The following FXYD6 variants were observed in gnomAD, a reference collection of about 807,000 sequenced individuals.
FXYD6 encodes the protein FXYD domain containing ion transport regulator 6.
A neutral mutation model predicts 16.7 loss-of-function variants in FXYD6; 7 were observed. The ratio of observed to expected loss-of-function variants is 0.42; its 90% CI spans 0.24 to 0.79. The LOEUF (loss-of-function observed/expected upper bound fraction) is 0.79. FXYD6 is among the 30% of genes least tolerant of loss of function. The pLI is 0.28. For synonymous variants in FXYD6, 49 were observed against 43.0 expected, an observed-to-expected ratio of 1.14 and a Z score of -0.54; for missense variants, 111 against 116.2, an observed-to-expected ratio of 0.95 and a Z score of 0.21.
chr11:117,866,769 G>C (rs1440674223), intron 1 of FXYD6, among the ~76,000 whole-genome samples: 1 of 152,188 alleles, frequency 6.6e-6, no homozygotes, highest in African/African-American at 2.4e-5. Flanking sequence ...ACTGGATGGA[G>C]TCCCAGACCA....
Position 117,872,854 on chromosome 11 carries a change from C to A in FXYD6, c.-6+3738G>T, listed in dbSNP as rs756828243. 6.6e-6 allele frequency among the ~76,000 whole-genome samples: 1 copy of A among 152,178 alleles called. No homozygotes were observed. The highest frequency in any genetic ancestry group is 1.5e-5 in the Non-Finnish European group (1 of 68,034). On this transcript the variant is annotated intron_variant, in intron 1 of 7. Transcript: ENST00000526014. This position sits in a 1 kb window ranked among gnomAD's most constrained non-coding sequence, Gnocchi z 4.9. The stretch of plus-strand genomic sequence containing the variant: ...ATTGGTTCCATGCTTTTGTTTCGGC[C>A]GGAGATGTCCTGCCTCTCATCAGGG...
chr11:117,851,038 T>C (rs2056600053), intron 1 of FXYD6, among the ~76,000 whole-genome samples: 1 of 152,228 alleles, frequency 6.6e-6, no homozygotes, highest in South Asian at 2.1e-4. Context: ...TTCAGTTCTT[T>C]TTAAAATTCT....
chr11:117,845,576 T>G (rs370631833), intron 1 of FXYD6, among the ~76,000 whole-genome samples: 1 of 152,232 alleles, frequency 6.6e-6, no homozygotes, highest in Non-Finnish European at 1.5e-5. Flanking sequence ...TGGTGTAATA[T>G]TCCATTGTGC....
chr11:117,861,132 G>A (rs945734448), intron 1 of FXYD6, among the ~76,000 whole-genome samples: 4 of 152,174 alleles, frequency 2.6e-5, no homozygotes, highest in African/African-American at 9.7e-5. Context: ...ATCAGTGAGG[G>A]TCAGATGAGG....
intron 1 of FXYD6, among the ~76,000 whole-genome samples, chr11:117,874,163 T>C (rs1386373795): frequency 2.0e-5 from 3 of 152,166 alleles, no homozygotes; most frequent in Non-Finnish European, 1.5e-5. Flanking sequence ...AACCTAGGAT[T>C]CCGATGTCAG....
intron 1 of FXYD6, among the ~76,000 whole-genome samples, chr11:117,859,789 C>A (rs2056862723): frequency 2.0e-5 from 3 of 152,224 alleles, no homozygotes; most frequent in Admixed American, 2.0e-4. Context: ...AAAGATCCCA[C>A]CTCTCTCCCA....
chr11:117,842,898 A>G lies in FXYD6; in HGVS notation c.-5-117T>C. On this transcript the variant is annotated intron_variant, in intron 1 of 7. Transcript: ENST00000526014. ...TCCCCAGCTTTGCTCTGCACTCATG[A>G]CTTGGTGAGGGTTCAAACAACCTAA... 4 of 1,064,378 alleles carry G rather than the reference A, an allele frequency of 3.8e-6. No homozygotes were observed. In the South Asian group the frequency reaches 5.8e-5, roughly 15 times the overall value. The allele number at this position is 1,064,378 out of a possible 1,614,324, so 65.9% of individuals were successfully genotyped here.
chr11:117,865,955 T>C (rs1591589869), intron 1 of FXYD6, among the ~76,000 whole-genome samples: 2 of 152,050 alleles, frequency 1.3e-5, no homozygotes, highest in African/African-American at 4.8e-5. Flanking sequence ...GTGGTGAGGC[T>C]GAGCATCTTT....
intron 1 of FXYD6, among the ~76,000 whole-genome samples, chr11:117,874,006 G>T (rs1458125275): frequency 2.0e-5 from 3 of 152,120 alleles, no homozygotes; most frequent in African/African-American, 7.2e-5. Context: ...AGAAAGCAAG[G>T]GTTGCAGGAC....
At chr11:117,853,306 A>G (rs2056648565) in intron 1 of FXYD6, among the ~76,000 whole-genome samples, 1 of 152,244 alleles carries the variant, frequency 6.6e-6, no homozygotes, top group Non-Finnish European at 1.5e-5. Context: ...AGCAGATACC[A>G]ACCTGAGATC....
intron 1 of FXYD6, among the ~76,000 whole-genome samples, chr11:117,864,264 G>A (rs1258259797): frequency 2.0e-5 from 3 of 152,170 alleles, no homozygotes; most frequent in African/African-American, 2.4e-5. Context: ...CAATAGAGTA[G>A]GATAAAGTCC....
chr11:117,845,429 C>T (rs2134145130), intron 1 of FXYD6, among the ~76,000 whole-genome samples: 1 of 152,208 alleles, frequency 6.6e-6, no homozygotes, highest in South Asian at 2.1e-4. Flanking sequence ...TATTATGTTG[C>T]TTAGTGTAGC....
chr11:117,853,090 C>A (rs1198996096), intron 1 of FXYD6, among the ~76,000 whole-genome samples: 1 of 152,114 alleles, frequency 6.6e-6, no homozygotes, highest in Non-Finnish European at 1.5e-5. Context: ...CTGATAATTC[C>A]AAACTCTTAA....
Position 117,872,233 on chromosome 11 carries a change from C to G in FXYD6, c.-6+4359G>C, listed in dbSNP as rs73586990. ...TGTGAGAATGTGTGAGCCACTGCCT[C>G]CCTGTCGGGTGTGGGAGATTATATA... On this transcript the variant is annotated intron_variant, in intron 1 of 7. Transcript: ENST00000526014. This position sits in a 1 kb window ranked among gnomAD's most constrained non-coding sequence, Gnocchi z 4.9. Among the ~76,000 whole-genome samples the G allele has an allele frequency of 4.7e-3, 718 of 152,250 alleles. 7 individuals are homozygous for G. The highest frequency in any genetic ancestry group is 0.017 in the African/African-American group (691 of 41,512).
chr11:117,840,389 C>T, intron 5 of FXYD6, 21 bp from the exon 6 acceptor site: 1 of 1,614,130 alleles, frequency 6.2e-7, no homozygotes, highest in Admixed American at 1.7e-5. Context: ...AAGAGACACA[C>T]AGCCCCATCA....
At chr11:117,871,148 T>A (rs2057126362) in intron 1 of FXYD6, among the ~76,000 whole-genome samples, 1 of 152,208 alleles carries the variant, frequency 6.6e-6, no homozygotes, top group African/African-American at 2.4e-5. Flanking sequence ...TGACTTCAGC[T>A]TTTAAGCATC....
Position 117,872,031 on chromosome 11 carries a change from C to CCTGT in FXYD6, c.-6+4557_-6+4560dup, listed in dbSNP as rs1308709819. On this transcript the variant is annotated intron_variant, in intron 1 of 7. Coordinates refer to ENST00000526014, the MANE Select transcript of FXYD6 (RefSeq NM_022003.4). This position sits in a 1 kb window ranked among gnomAD's most constrained non-coding sequence, Gnocchi z 4.9. Reference sequence around the variant, plus strand: ...GAGCCTGGAGTGCCTACACCATGTACCTGTGCTTATTAATAGGCACTGGTG... The same window carrying CCTGT: ...GAGCCTGGAGTGCCTACACCATGTACCTGTCTGTGCTTATTAATAGGCACTGGTG... Among the ~76,000 whole-genome samples the CCTGT allele has an allele frequency of 1.3e-5, 2 of 152,142 alleles. No individual in the cohort carries two copies. Among genetic ancestry groups the CCTGT allele is most frequent in the Non-Finnish European group, 2.9e-5 (2 of 68,028 alleles).
intron 1 of FXYD6, among the ~76,000 whole-genome samples, chr11:117,861,777 CAGGGTCCTCGTGTGGTCACAGGACGTGG>C (rs1591583140): frequency 1.3e-5 from 2 of 152,214 alleles, no homozygotes; most frequent in African/African-American, 4.8e-5. Flanking sequence ...TGGAAGGCTC[CAGGGTCCTCGTGTGGTCACAGGACGTGG>C]AGGGTCCTCG....
chr11:117,851,783 C>T (rs902461464), intron 1 of FXYD6, among the ~76,000 whole-genome samples: 1 of 152,210 alleles, frequency 6.6e-6, no homozygotes, highest in African/African-American at 2.4e-5. Flanking sequence ...TGGCAAGAGA[C>T]CCTACGGCGA....
Sources: gnomAD v4.1 joint callset for allele counts (sites outside exome capture counted in the v4.1 genomes callset) on GRCh38, gnomAD v4.1.1 for gene constraint, Gnocchi (gnomAD v3.1) non-coding constraint, MANE v1.5 for transcripts, NCBI Gene and HGNC (gene_info 2026-07-23, HGNC 2026-07-21) for gene names.